The following RBFOX1 variants were observed in gnomAD, a reference collection of about 807,000 sequenced individuals.
RBFOX1 encodes the protein RNA binding protein fox-1 homolog 1.
In RBFOX1, 8 loss-of-function variants were observed where a neutral mutation model predicts 57.7. The ratio of observed to expected loss-of-function variants is 0.14; its 90% confidence interval spans 0.08 to 0.25. The LOEUF is 0.25. Among genes scored for constraint, RBFOX1 ranks in the 10% least tolerant of loss-of-function variants. The probability of loss-of-function intolerance (pLI) is 1.00; values close to 1 mark genes in which losing one functional copy is unlikely to be tolerated. For missense variants in RBFOX1, 611 were observed against 548.5 expected, an observed-to-expected ratio of 1.11 and a Z score of -1.14; for synonymous variants, 326 against 222.4, an observed-to-expected ratio of 1.47 and a Z score of -4.15.
chr16:7,695,263 C>G (rs768697909), intron 14 of RBFOX1, among the ~76,000 whole-genome samples: 3 of 152,170 alleles, frequency 2.0e-5, no homozygotes, highest in Non-Finnish European at 2.9e-5. Flanking sequence ...CCATATCCAT[C>G]AAATGTCAGA....
intron 3 of RBFOX1, among the ~76,000 whole-genome samples, chr16:6,809,782 A>G (rs1241551150): frequency 6.7e-6 from 1 of 150,338 alleles, no homozygotes; most frequent in African/African-American, 2.4e-5. Context: ...AGTGGCTTTT[A>G]AAAAACACTT....
intron 2 of RBFOX1, among the ~76,000 whole-genome samples, chr16:5,479,876 C>A (rs187589178): frequency 2.2e-4 from 34 of 152,270 alleles, no homozygotes; most frequent in African/African-American, 8.2e-4. Flanking sequence ...TGTTTCCCAC[C>A]AGGCATTTTG....
chr16:6,232,747 G>T (rs1204350100), intron 1 of RBFOX1, among the ~76,000 whole-genome samples: 1 of 152,178 alleles, frequency 6.6e-6, no homozygotes, highest in East Asian at 1.9e-4. Context: ...TTCCAAAACA[G>T]TTCATTAATG....
chr16:7,063,269 G>T (rs1341855590), intron 4 of RBFOX1, among the ~76,000 whole-genome samples: 1 of 152,036 alleles, frequency 6.6e-6, no homozygotes, highest in South Asian at 2.1e-4. Flanking sequence ...TTGGAACTCT[G>T]TCCTTCCCTG....
At chr16:6,479,815 C>G (rs182665587) in intron 2 of RBFOX1, among the ~76,000 whole-genome samples, 1 of 151,304 alleles carries the variant, frequency 6.6e-6, no homozygotes, top group African/African-American at 2.4e-5. Context: ...TTTGGGAGGC[C>G]GAGGCAGGCA....
intron 1 of RBFOX1, among the ~76,000 whole-genome samples, chr16:5,365,430 G>C (rs1183714136): frequency 6.6e-6 from 1 of 152,212 alleles, no homozygotes; most frequent in East Asian, 1.9e-4. Context: ...CACTTTGGGA[G>C]GCCAAGGTGG....
chr16:5,887,134 G>C (rs979533542), intron 4 of RBFOX1, among the ~76,000 whole-genome samples: 1 of 152,116 alleles, frequency 6.6e-6, no homozygotes, highest in Non-Finnish European at 1.5e-5. Flanking sequence ...CGTGGAGAAG[G>C]AGGTGAGGAG....
At chr16:5,516,608 C>G (rs1232818123) in intron 2 of RBFOX1, among the ~76,000 whole-genome samples, 1 of 152,128 alleles carries the variant, frequency 6.6e-6, no homozygotes, top group Non-Finnish European at 1.5e-5. Context: ...AATCTTGATT[C>G]CTGATTTGGT....
intron 3 of RBFOX1, among the ~76,000 whole-genome samples, chr16:5,835,253 C>T (rs562190597): frequency 4.4e-4 from 67 of 152,282 alleles, no homozygotes; most frequent in Admixed American, 8.5e-4. Context: ...TGACAATACT[C>T]GGCTGGGCAG....
chr16:7,009,902 A>G (rs888373546), intron 3 of RBFOX1, among the ~76,000 whole-genome samples: 1 of 152,220 alleles, frequency 6.6e-6, no homozygotes, highest in Non-Finnish European at 1.5e-5. Context: ...AGCTGTGAAC[A>G]AGTTTAATAA....
At chr16:7,469,126 G>T (rs1236102997) in intron 4 of RBFOX1, among the ~76,000 whole-genome samples, 1 of 152,072 alleles carries the variant, frequency 6.6e-6, no homozygotes. Flanking sequence ...AGTAGAGACG[G>T]GGTTTGACCG....
At chr16:5,835,665 C>T (rs2056433459) in intron 3 of RBFOX1, among the ~76,000 whole-genome samples, 6 of 152,198 alleles carry the variant, frequency 3.9e-5, no homozygotes, top group Admixed American at 3.9e-4. Context: ...GACCCTTCTT[C>T]TTAAGGTTTT....
At chr16:7,672,140 A>T (rs1200219982) in intron 13 of RBFOX1, among the ~76,000 whole-genome samples, 1 of 152,186 alleles carries the variant, frequency 6.6e-6, no homozygotes, top group Non-Finnish European at 1.5e-5. Context: ...TCAGAAATTT[A>T]TTTCAAGCCT....
intron 2 of RBFOX1, among the ~76,000 whole-genome samples, chr16:6,447,099 G>C (rs1308754915): frequency 6.6e-6 from 1 of 152,180 alleles, no homozygotes; most frequent in Non-Finnish European, 1.5e-5. Flanking sequence ...CCGCACACCA[G>C]ATTGCGAACT....
At chr16:7,530,314 A>G (rs913950858) in intron 5 of RBFOX1, among the ~76,000 whole-genome samples, 3 of 152,202 alleles carry the variant, frequency 2.0e-5, no homozygotes, top group East Asian at 3.9e-4. Flanking sequence ...TTCTACAGCC[A>G]TTTTTAAAAT....
intron 3 of RBFOX1, among the ~76,000 whole-genome samples, chr16:5,658,812 TATATA>T (rs978414316): frequency 4.8e-5 from 7 of 146,040 alleles, no homozygotes; most frequent in African/African-American, 1.3e-4. Context: ...TATATATGTA[TATATA>T]ATATATGTAT....
chr16:5,945,858 T>C (rs2059390748), intron 4 of RBFOX1, among the ~76,000 whole-genome samples: 2 of 152,130 alleles, frequency 1.3e-5, no homozygotes, highest in African/African-American at 4.8e-5. Flanking sequence ...GTCTACTCCA[T>C]CCATCAGTAT....
chr16:7,268,548 C>T (rs1331912495), intron 4 of RBFOX1, among the ~76,000 whole-genome samples: 2 of 152,318 alleles, frequency 1.3e-5, no homozygotes, highest in Non-Finnish European at 2.9e-5. Context: ...TGCCAATTGA[C>T]TTGCTCTTTG....
chr16:7,110,278 C>G (rs575980728), intron 4 of RBFOX1, among the ~76,000 whole-genome samples: 2 of 151,802 alleles, frequency 1.3e-5, no homozygotes, highest in African/African-American at 4.8e-5. Flanking sequence ...GAAGGATCCC[C>G]GGAACCTAGG....
Sources: allele counts gnomAD v4.1 joint callset (sites outside exome capture counted in the v4.1 genomes callset), GRCh38; gene constraint gnomAD v4.1.1; transcripts MANE v1.5; gene names NCBI Gene and HGNC (gene_info 2026-07-23, HGNC 2026-07-21).